ST7: variants seen among roughly 807,000 people sequenced by gnomAD.
ST7 encodes the protein suppressor of tumorigenicity 7 protein.
A neutral mutation model predicts 78.7 loss-of-function variants in ST7; 28 were observed. That is an observed-to-expected ratio of 0.36 (90% CI 0.26 to 0.49). ST7 has a LOEUF of 0.49. Among genes scored for constraint, ST7 ranks in the 20% least tolerant of loss-of-function variants. The pLI, the probability that ST7 is intolerant of heterozygous loss-of-function variation, is 0.99. For missense variants in ST7, 418 were observed against 696.0 expected, an observed-to-expected ratio of 0.60 and a Z score of 4.49; for synonymous variants, 247 against 249.6, an observed-to-expected ratio of 0.99 and a Z score of 0.10.
At chr7:117,124,507 T>A (rs1803667263) in intron 3 of ST7, among the ~76,000 whole-genome samples, 1 of 152,138 alleles carries the variant, frequency 6.6e-6, no homozygotes. Flanking sequence ...AAACCAAGAT[T>A]AACATAATTA....
intron 2 of ST7, among the ~76,000 whole-genome samples, chr7:117,108,778 T>C (rs1163811109): frequency 6.6e-6 from 1 of 152,194 alleles, no homozygotes; most frequent in Non-Finnish European, 1.5e-5. Flanking sequence ...CAGCAGTGTT[T>C]TGTAGTTTTC....
intron 1 of ST7, among the ~76,000 whole-genome samples, chr7:116,997,619 A>T (rs964977140): frequency 6.6e-6 from 1 of 151,916 alleles, no homozygotes; most frequent in African/African-American, 2.4e-5. Context: ...AGATTCTCCA[A>T]GTCTCCACTA....
At chr7:117,137,079 T>C (rs1268038521) in intron 8 of ST7, 1 of 152,158 alleles carries the variant, frequency 6.6e-6, no homozygotes, top group African/African-American at 2.4e-5. Flanking sequence ...AGTTATTTTG[T>C]TTCTCACTTA....
In ST7 at chr7:117,137,592, A is replaced by G. The variant is rs1311995513; in HGVS notation, c.866-843A>G. The stretch of plus-strand genomic sequence containing the variant: ...GGTACTTGGCAGATTTTCAGCACAC[A>G]TCTTGTTCTCATTGTTTAAGTCTTG... On this transcript the variant is annotated intron_variant, in intron 8 of 15. Transcript: ENST00000323984. Among the ~76,000 whole-genome samples, 3 of 152,266 alleles carry G rather than the reference A, an allele frequency of 2.0e-5. No individual in the cohort carries two copies. In the East Asian group the frequency reaches 5.8e-4, roughly 29 times the overall value.
At chr7:117,217,363 A>G (rs1341788021) in intron 13 of ST7, among the ~76,000 whole-genome samples, 1 of 152,012 alleles carries the variant, frequency 6.6e-6, no homozygotes, top group Non-Finnish European at 1.5e-5. Context: ...AGCAGCCATC[A>G]TTTATGGGAA....
chr7:117,008,181 C>T (rs768831819), intron 1 of ST7, among the ~76,000 whole-genome samples: 4 of 152,088 alleles, frequency 2.6e-5, no homozygotes, highest in African/African-American at 7.2e-5. Context: ...TCATGATCAG[C>T]GTAACTCATT....
chr7:117,139,079 C>T (rs757496359), intron 9 of ST7, among the ~76,000 whole-genome samples: 1 of 151,834 alleles, frequency 6.6e-6, no homozygotes, highest in Non-Finnish European at 1.5e-5. Context: ...TATTAGTAGT[C>T]AAGACAAAAG....
At chr7:117,159,246 T>C (rs1235124572) in intron 9 of ST7, among the ~76,000 whole-genome samples, 1 of 152,210 alleles carries the variant, frequency 6.6e-6, no homozygotes. Context: ...TTTGAGCTCA[T>C]AAATGTTAAC....
chr7:117,134,709 T>C (rs200740945), intron 7 of ST7, among the ~76,000 whole-genome samples: 243 of 152,188 alleles, frequency 1.6e-3, no homozygotes, highest in Non-Finnish European at 2.9e-3. Flanking sequence ...TTCTGATGCC[T>C]GTCCCAGTTA....
chr7:117,009,036 A>G (rs1380328405), intron 1 of ST7, among the ~76,000 whole-genome samples: 1 of 152,176 alleles, frequency 6.6e-6, no homozygotes, highest in Non-Finnish European at 1.5e-5. Flanking sequence ...TTTGCACTGA[A>G]ACAATAGAGT....
Position 117,082,718 on chromosome 7 carries a change from A to G in ST7, c.152-17044A>G, listed in dbSNP as rs533663489. Among the ~76,000 whole-genome samples the G allele has an allele frequency of 2.0e-5, 3 of 152,384 alleles. No homozygotes were observed. In the South Asian group the frequency reaches 6.2e-4, roughly 32 times the overall value. ...AGGGGTCAGCAAACCCTTTTCTGTA[A>G]AGAGCCAGACAGTAAATATTTTCAG... On this transcript the variant is annotated intron_variant, in intron 1 of 15. Transcript: ENST00000323984.
At chr7:116,990,626 G>A (rs1794383325) in intron 1 of ST7, among the ~76,000 whole-genome samples, 1 of 152,118 alleles carries the variant, frequency 6.6e-6, no homozygotes, top group African/African-American at 2.4e-5. Context: ...CCTTTAGAAA[G>A]CTGCATACCC....
chr7:117,207,019 C>T (rs1791822730), intron 12 of ST7, among the ~76,000 whole-genome samples: 1 of 152,092 alleles, frequency 6.6e-6, no homozygotes, highest in Admixed American at 6.5e-5. Context: ...TATAAATAAC[C>T]ACATGCAGTA....
At chr7:117,206,736 A>C (rs912159115) in intron 12 of ST7, among the ~76,000 whole-genome samples, 1 of 152,164 alleles carries the variant, frequency 6.6e-6, no homozygotes, top group Non-Finnish European at 1.5e-5. Flanking sequence ...CATATTGTAT[A>C]TTTTCAGTCA....
intron 1 of ST7, among the ~76,000 whole-genome samples, chr7:117,063,701 C>G (rs189116975): frequency 1.3e-5 from 2 of 152,084 alleles, no homozygotes; most frequent in Admixed American, 6.5e-5. Flanking sequence ...ATAGCAAGAC[C>G]CGGTCTCAAA....
At chr7:117,135,096 A>G (rs971648858) in intron 7 of ST7, among the ~76,000 whole-genome samples, 2 of 152,048 alleles carry the variant, frequency 1.3e-5, no homozygotes, top group Non-Finnish European at 2.9e-5. Context: ...CAAGTGAGGC[A>G]GTGGGGAAGG....
At chr7:117,226,067 C>T (rs1793424440) in intron 15 of ST7, among the ~76,000 whole-genome samples, 1 of 152,182 alleles carries the variant, frequency 6.6e-6, no homozygotes, top group African/African-American at 2.4e-5. Context: ...GACTGAGCCT[C>T]TTGATTTCTG....
chr7:116,968,279 C>CCCTCCTTCCTTCCTTCCTTCCTTT (rs1336995993), intron 1 of ST7: 1 of 15,284 alleles, frequency 6.5e-5, no homozygotes, highest in African/African-American at 1.7e-4. Flanking sequence ...CTCCCTCCCT[C>CCCTCCTTCCTTCCTTCCTTCCTTT]CCTCCCTCCC....
At chr7:117,223,843 C>A in intron 15 of ST7, 1 of 561,028 alleles carries the variant, frequency 1.8e-6, no homozygotes. Flanking sequence ...ATCTCTGTAT[C>A]CCCAAGGCTT....
Sources: allele counts gnomAD v4.1 joint callset (sites outside exome capture counted in the v4.1 genomes callset), GRCh38; gene constraint gnomAD v4.1.1; transcripts MANE v1.5; gene names NCBI Gene and HGNC (gene_info 2026-07-23, HGNC 2026-07-21).